Variants in SLC36A2 observed in about 807,000 individuals in gnomAD.
The protein encoded by SLC36A2 is proton-coupled amino acid transporter 2.
Under a neutral mutation model 42.7 loss-of-function variants are expected in SLC36A2, and 39 were observed. The ratio of observed to expected loss-of-function variants is 0.91; its 90% CI spans 0.71 to 1.19. SLC36A2 has a LOEUF of 1.19. Among genes scored for constraint, SLC36A2 ranks in the 50% most tolerant of loss-of-function variants. The probability of loss-of-function intolerance (pLI) is 0.00; values close to 1 mark genes in which losing one functional copy is unlikely to be tolerated. For synonymous variants in SLC36A2, 237 were observed against 240.8 expected (o/e 0.98, Z 0.15); for missense variants, 590 against 613.7 (o/e 0.96, Z 0.41).
intron 7 of SLC36A2, among the ~76,000 whole-genome samples, chr5:151,328,155 G>C (rs566540637): frequency 6.6e-6 from 1 of 152,312 alleles, no homozygotes; most frequent in Admixed American, 6.5e-5. Flanking sequence ...TTTTGTCCAT[G>C]ACTATTCCAA....
chr5:151,323,084 A>G (rs964375352), intron 8 of SLC36A2, among the ~76,000 whole-genome samples: 1 of 152,086 alleles, frequency 6.6e-6, no homozygotes, highest in African/African-American at 2.4e-5. Context: ...AAAAATAAAA[A>G]ATTACCCACG....
At chr5:151,328,300 G>C (rs1364470719) in intron 7 of SLC36A2, among the ~76,000 whole-genome samples, 1 of 152,206 alleles carries the variant, frequency 6.6e-6, no homozygotes, top group Non-Finnish European at 1.5e-5. Flanking sequence ...AGAGTAAATA[G>C]TAGCAGGCAG....
At chr5:151,317,562 C>T (rs1258092934) in intron 9 of SLC36A2, among the ~76,000 whole-genome samples, 1 of 151,770 alleles carries the variant, frequency 6.6e-6, no homozygotes, top group African/African-American at 2.4e-5. Context: ...ATCATATTCC[C>T]TAGAAGTTAC....
intron 5 of SLC36A2, among the ~76,000 whole-genome samples, chr5:151,337,881 C>T (rs1756204387): frequency 6.6e-6 from 1 of 152,142 alleles, no homozygotes. Flanking sequence ...AAATTATAAC[C>T]ATGAATAGTT....
chr5:151,336,003 C>T (rs1274590447), intron 5 of SLC36A2, among the ~76,000 whole-genome samples: 1 of 125,098 alleles, frequency 8.0e-6, no homozygotes, highest in African/African-American at 4.6e-5. Context: ...GCCCTGTATC[C>T]ACAAAAAAAA....
rs1215729473 is a variant in SLC36A2, at chr5:151,316,168, T to A, written c.*649A>T. On this transcript the variant is annotated 3_prime_UTR_variant, in exon 10 of 10. Transcript: ENST00000335244. ...GACAGTCTTAGCTGGCTGCATCTCC[T>A]TTGGCCAGTTGCTGCCACTTGGGGC... is the stretch of plus-strand genomic sequence containing the variant. 6.5e-6 allele frequency: 1 copy of A among 153,318 alleles called. No homozygotes were observed. Among genetic ancestry groups the A allele is most frequent in the Non-Finnish European group, 1.5e-5 (1 of 68,854 alleles). The allele number at this position is 153,318 out of a possible 1,614,324, so 9.5% of individuals were successfully genotyped here.
rs780276619 is a variant in SLC36A2 at position 151,316,782 on chromosome 5, A to G, written c.*35T>C. On this transcript the variant is annotated 3_prime_UTR_variant, in exon 10 of 10. Transcript: ENST00000335244. ...AAAAAAAGAGATCCATATAATTAAAAGTCGGGTGCTGGTAGGCAAGGAGCA... is the reference window on the plus strand; with the variant it reads ...AAAAAAAGAGATCCATATAATTAAAGGTCGGGTGCTGGTAGGCAAGGAGCA... 19 of 1,603,668 alleles carry G rather than the reference A, an allele frequency of 1.2e-5. 1 individual carries two copies. The highest frequency in any genetic ancestry group is 5.1e-5 in the Admixed American group (3 of 59,030).
At chr5:151,330,677 C>T (rs1333810253) in intron 7 of SLC36A2, among the ~76,000 whole-genome samples, 1 of 152,114 alleles carries the variant, frequency 6.6e-6, no homozygotes, top group East Asian at 1.9e-4. Context: ...AAGTTTATTA[C>T]AAGGACTATG....
intron 4 of SLC36A2, among the ~76,000 whole-genome samples, chr5:151,340,134 GGAA>G (rs1409777033): frequency 3.1e-5 from 4 of 127,066 alleles, no homozygotes; most frequent in Admixed American, 7.1e-5. Context: ...AGAAGGAGGA[GGAA>G]GAAGAGGAGG....
rs1756245062 is a variant in SLC36A2 at position 151,339,108 on chromosome 5, A to G, written c.477T>C (p.Leu159=). The change falls in exon 5 of 10, where the codon CTT becomes CTC. Residue 159 remains leucine, a synonymous_variant. Coordinates refer to ENST00000335244, the MANE Select transcript of SLC36A2 (RefSeq NM_181776.3). ...IVSFFLIITQ[L]GFCCVYIVFL... is the part of the protein sequence containing the mutation. ...ACACAATGTACACACAGCAGAAGCC[A>G]AGTTGGGTGATAATAAGGAAGAAGC... The G allele has an allele frequency of 1.2e-6, 2 of 1,610,112 alleles. No homozygotes were observed. The highest frequency in any genetic ancestry group is 1.7e-6 in the Non-Finnish European group (2 of 1,177,272).
rs749013331 is a variant in SLC36A2 at position 151,333,215 on chromosome 5, A to C, written c.843+9T>G. 3.1e-6 allele frequency: 5 copies of C among 1,612,666 alleles called. No homozygotes were observed. The African/African-American group carries it at 6.7e-5, about 22-fold the overall frequency. On this transcript the variant is annotated intron_variant, in intron 7 of 9. Transcript: ENST00000335244. ...ACTAGGGATAAGGCCACCTCAATTCAAACCTTACCACACCAATGCTTTCAA... is the reference window on the plus strand; with the variant it reads ...ACTAGGGATAAGGCCACCTCAATTCCAACCTTACCACACCAATGCTTTCAA...
At chr5:151,321,870 G>T (rs1156418286) in intron 9 of SLC36A2, 176 bp downstream of exon 9, 1 of 682,888 alleles carries the variant, frequency 1.5e-6, no homozygotes, top group Non-Finnish European at 2.6e-6. Context: ...TAGAGACAGG[G>T]TTTCACCATT....
intron 5 of SLC36A2, among the ~76,000 whole-genome samples, chr5:151,338,364 C>T (rs941773727): frequency 5.9e-5 from 9 of 152,216 alleles, no homozygotes; most frequent in South Asian, 4.1e-4. Context: ...GGGACAATAA[C>T]TATTAAGCCA....
Position 151,335,547 on chromosome 5 carries a change from C to T in SLC36A2, c.526G>A (p.Val176Ile), listed in dbSNP as rs1263967531. 1 of 1,607,130 alleles carries T rather than the reference C, an allele frequency of 6.2e-7. No individual in the cohort carries two copies. The highest frequency in any genetic ancestry group is 1.1e-5 in the South Asian group (1 of 90,950). Residue 176 changes from valine to isoleucine, a missense_variant and splice_region_variant, in exon 6 of 10, where the codon GTA becomes ATA. By Grantham distance (29) the Val-to-Ile change is conservative. Coordinates refer to ENST00000335244, the MANE Select transcript of SLC36A2 (RefSeq NM_181776.3). ...GTTGTGCTATTAACAGCTTCCACTA[C>T]CTGAGGAAGGAATGGGAGAGGCAAA... ...IVFLADNLKQ[V>I]VEAVNSTTNN...
At chr5:151,338,708 T>C (rs1580860447) in intron 5 of SLC36A2, 2 of 212,014 alleles carry the variant, frequency 9.4e-6, no homozygotes, top group South Asian at 1.5e-4. Flanking sequence ...AAAGATGACC[T>C]AAAGAAGACT....
intron 8 of SLC36A2, among the ~76,000 whole-genome samples, chr5:151,324,737 G>A (rs765560310): frequency 3.1e-4 from 47 of 152,186 alleles, no homozygotes; most frequent in Non-Finnish European, 5.4e-4. Flanking sequence ...CTGGGCTCAA[G>A]TGATCTTCCT....
chr5:151,335,583 G>C (rs1306702651), intron 5 of SLC36A2, 36 bp from the exon 6 acceptor site: 4 of 1,452,818 alleles, frequency 2.8e-6, no homozygotes, highest in Non-Finnish European at 3.9e-6. Flanking sequence ...AGGGGGAGAT[G>C]ATGAGTCTTC....
chr5:151,318,102 T>C (rs1371571580), intron 9 of SLC36A2, among the ~76,000 whole-genome samples: 1 of 152,220 alleles, frequency 6.6e-6, no homozygotes, highest in African/African-American at 2.4e-5. Context: ...GGCAGCTATA[T>C]TTGTCAGGAG....
At chr5:151,336,708 A>C (rs1756169146) in intron 5 of SLC36A2, among the ~76,000 whole-genome samples, 1 of 132,410 alleles carries the variant, frequency 7.6e-6, no homozygotes. Context: ...CCCACACATT[A>C]TGAACACCCC....
Sources: allele counts gnomAD v4.1 joint callset (sites outside exome capture counted in the v4.1 genomes callset), GRCh38; gene constraint gnomAD v4.1.1; transcripts MANE v1.5; gene names NCBI Gene and HGNC (gene_info 2026-07-23, HGNC 2026-07-21).